Variants in SLIT1 observed in about 807,000 individuals in gnomAD.
SLIT1 encodes the protein slit guidance ligand 1.
A neutral mutation model predicts 186.1 loss-of-function variants in SLIT1; 66 were observed. That is an observed-to-expected ratio of 0.35 (90% CI 0.29 to 0.44). The LOEUF (loss-of-function observed/expected upper bound fraction) is 0.44, where lower values mean the gene tolerates loss of function less well. Ranked by LOEUF, SLIT1 falls within the 20% of genes least tolerant of loss-of-function variation. The pLI is 1.00. For missense variants in SLIT1, 1,638 were observed against 2,037.4 expected, an observed-to-expected ratio of 0.80 and a Z score of 3.77; for synonymous variants, 761 against 833.8, an observed-to-expected ratio of 0.91 and a Z score of 1.50.
intron 23 of SLIT1, among the ~76,000 whole-genome samples, chr10:97,033,786 G>A (rs1251508512): frequency 6.6e-6 from 1 of 151,810 alleles, no homozygotes; most frequent in Non-Finnish European, 1.5e-5. Context: ...ATAAAGTCAG[G>A]ACAGCAGCTG....
chr10:97,116,221 G>A (rs1179244094), intron 4 of SLIT1, among the ~76,000 whole-genome samples: 1 of 152,180 alleles, frequency 6.6e-6, no homozygotes, highest in East Asian at 1.9e-4. Context: ...AGGAAGAGGA[G>A]GAGGAGGCAG....
intron 1 of SLIT1, among the ~76,000 whole-genome samples, chr10:97,185,035 C>T (rs566116133): frequency 4.1e-4 from 62 of 152,366 alleles, no homozygotes; most frequent in South Asian, 1.7e-3. Flanking sequence ...GGAGCAAGCT[C>T]TGGGAGCGGG....
chr10:97,073,611 C>T (rs1353154857), intron 4 of SLIT1, among the ~76,000 whole-genome samples: 2 of 152,132 alleles, frequency 1.3e-5, no homozygotes, highest in Non-Finnish European at 2.9e-5. Flanking sequence ...AGCTGAAGGG[C>T]GGGACAAGGT....
Position 97,042,923 on chromosome 10 carries a change from G to A in SLIT1, c.2142C>T (p.Phe714=), listed in dbSNP as rs1314647753. The A allele has an allele frequency of 3.1e-6, 5 of 1,614,178 alleles. No individual in the cohort carries two copies. The South Asian group carries it at 4.4e-5, about 14-fold the overall frequency. Residue 714 remains phenylalanine (F), a synonymous_variant, in exon 20 of 37, where the codon TTC becomes TTT. Coordinates refer to ENST00000266058, the MANE Select transcript of SLIT1 (RefSeq NM_003061.3). The part of the protein sequence containing the change: ...LRQIPLQDVA[F]PDFRCEEGQE... ...TACCTTCCTCACACCTGAAGTCAGG[G>A]AAGGCCACGTCCTGCAGGGGAATCT...
At chr10:97,172,943 G>A (rs1028443875) in intron 1 of SLIT1, among the ~76,000 whole-genome samples, 1 of 151,818 alleles carries the variant, frequency 6.6e-6, no homozygotes, top group Non-Finnish European at 1.5e-5. Context: ...GGGAGAGAGA[G>A]AGAGAGAGAG....
rs1262455736 is a variant in SLIT1 at position 97,059,406 on chromosome 10, G to A, written c.1085+54C>T. 27 of 1,458,646 alleles carry A rather than the reference G, an allele frequency of 1.9e-5. No homozygotes were observed. In the East Asian group the frequency reaches 6.1e-4, roughly 33 times the overall value. The allele number at this position is 1,458,646 out of a possible 1,614,324, so 90.4% of individuals were successfully genotyped here. ...TCCACCAGGACCCTGGGCCCTGCCA[G>A]CCTCCTCAGGGGATGCCCTGGGCCA... On this transcript the variant is annotated intron_variant, in intron 11 of 36. Transcript: ENST00000266058.
At chr10:97,155,451 C>CT (rs1481147099) in intron 4 of SLIT1, 1 of 152,282 alleles carries the variant, frequency 6.6e-6, no homozygotes, top group African/African-American at 2.4e-5. Context: ...CAGAGCTACC[C>CT]TTTACCCCCA....
At chr10:97,141,683 T>TATC (rs2134703982) in intron 4 of SLIT1, among the ~76,000 whole-genome samples, 1 of 146,114 alleles carries the variant, frequency 6.8e-6, no homozygotes, top group East Asian at 2.0e-4. Context: ...TATCGTATTG[T>TATC]ATCGTATCGT....
At chr10:97,089,717 G>A (rs1849209909) in intron 4 of SLIT1, among the ~76,000 whole-genome samples, 1 of 152,090 alleles carries the variant, frequency 6.6e-6, no homozygotes, top group Non-Finnish European at 1.5e-5. Context: ...AGGGATCAAG[G>A]CCAGCAGGGA....
Position 97,043,337 on chromosome 10 carries a change from C to T in SLIT1, c.1997+33G>A, listed in dbSNP as rs201493185. The stretch of plus-strand genomic sequence containing the variant: ...GACGGTTGGGACGGTTGCTCCAGAG[C>T]CCCCGCCCGCCTGTCCTGGAGGCCG... On this transcript the variant is annotated intron_variant, in intron 19 of 36. Coordinates refer to ENST00000266058, the MANE Select transcript of SLIT1 (RefSeq NM_003061.3). The surrounding 1 kb of genome is among the most constrained non-coding windows in gnomAD (Gnocchi z 7.0). The T allele has an allele frequency of 8.1e-6, 13 of 1,611,430 alleles. No individual in the cohort carries two copies. Among genetic ancestry groups the T allele is most frequent in the African/African-American group, 1.3e-5 (1 of 74,968 alleles).
intron 4 of SLIT1, among the ~76,000 whole-genome samples, chr10:97,156,925 A>G (rs1849959094): frequency 6.6e-6 from 1 of 152,240 alleles, no homozygotes; most frequent in South Asian, 2.1e-4. Flanking sequence ...GTTATTAATG[A>G]CAACAATTAA....
chr10:97,049,637 T>C (rs117976748), intron 13 of SLIT1, among the ~76,000 whole-genome samples: 2,076 of 152,246 alleles, frequency 0.014, 21 homozygotes, highest in Non-Finnish European at 0.021. Flanking sequence ...CTGTCTCCTA[T>C]AGAGAGGGAT....
intron 1 of SLIT1, among the ~76,000 whole-genome samples, chr10:97,181,418 C>A (rs558277112): frequency 3.3e-5 from 5 of 152,368 alleles, no homozygotes; most frequent in East Asian, 1.9e-4. Flanking sequence ...CTTCCTTATG[C>A]GTGACCACTC....
chr10:97,031,799 G>A lies in SLIT1; in HGVS notation c.2439-122C>T. ...AGCCTCCTCGGGCTCTGTGAGGGGA[G>A]GCAGAGCAGCCGGCAAGTGCATGGG... On this transcript the variant is annotated intron_variant, in intron 23 of 36. Transcript: ENST00000266058. 2.7e-6 allele frequency: 2 copies of A among 734,800 alleles called. 1 individual carries two copies. The highest frequency in any genetic ancestry group is 3.6e-5 in the South Asian group (2 of 54,918). The allele number at this position is 734,800 out of a possible 1,614,324, so 45.5% of individuals were successfully genotyped here.
chr10:97,138,200 C>T (rs1353550554), intron 4 of SLIT1, among the ~76,000 whole-genome samples: 3 of 152,188 alleles, frequency 2.0e-5, no homozygotes, highest in Admixed American at 2.0e-4. Flanking sequence ...GGGCTGATTG[C>T]GGAACCAATC....
intron 1 of SLIT1, among the ~76,000 whole-genome samples, chr10:97,175,304 T>C (rs1329069167): frequency 6.6e-6 from 1 of 152,264 alleles, no homozygotes; most frequent in African/African-American, 2.4e-5. Flanking sequence ...TTGGTGGACA[T>C]GTGGCTTGCT....
intron 3 of SLIT1, among the ~76,000 whole-genome samples, chr10:97,158,834 C>T (rs1849987965): frequency 6.6e-6 from 1 of 151,648 alleles, no homozygotes; most frequent in African/African-American, 2.4e-5. Context: ...TGAGATCACG[C>T]CACCGCACTC....
chr10:97,082,593 C>G (rs1380429999), intron 4 of SLIT1, among the ~76,000 whole-genome samples: 1 of 152,146 alleles, frequency 6.6e-6, no homozygotes, highest in Non-Finnish European at 1.5e-5. Flanking sequence ...CGCCACCATG[C>G]CCAGCTAATT....
At chr10:97,084,924 C>CT (rs34001660) in intron 4 of SLIT1, among the ~76,000 whole-genome samples, 1,860 of 126,136 alleles carry the variant, frequency 0.015, 39 homozygotes, top group South Asian at 0.019. Context: ...CTTTTCTTTC[C>CT]TTTTTTTTTT....
Sources: gnomAD v4.1 joint callset for allele counts (sites outside exome capture counted in the v4.1 genomes callset) on GRCh38, gnomAD v4.1.1 for gene constraint, Gnocchi (gnomAD v3.1) non-coding constraint, MANE v1.5 for transcripts, NCBI Gene and HGNC (gene_info 2026-07-23, HGNC 2026-07-21) for gene names.